TRPV1: variants seen among roughly 807,000 people sequenced by gnomAD.
The protein encoded by TRPV1 is transient receptor potential cation channel subfamily V member 1.
A neutral mutation model predicts 82.3 loss-of-function variants in TRPV1; 82 were observed. The ratio of observed to expected loss-of-function variants is 1.00; its 90% CI spans 0.83 to 1.20. The LOEUF (loss-of-function observed/expected upper bound fraction) is 1.20, where lower values mean the gene tolerates loss of function less well. Ranked by LOEUF, TRPV1 falls within the 50% of genes most tolerant of loss-of-function variation. The pLI, the probability that TRPV1 is intolerant of heterozygous loss-of-function variation, is 0.00. For synonymous variants in TRPV1, 515 were observed against 467.7 expected (o/e 1.10, Z -1.30); for missense variants, 1,067 against 1,096.8 (o/e 0.97, Z 0.38).
chr17:3,590,462 A>C, intron 5 of TRPV1, 70 bp from the exon 6 acceptor site: 1 of 1,584,290 alleles, frequency 6.3e-7, no homozygotes, highest in South Asian at 1.1e-5. Flanking sequence ...GTGCTGGGGA[A>C]GGGCTCTGGG....
intron 11 of TRPV1, among the ~76,000 whole-genome samples, chr17:3,579,803 C>CA (rs1457641783): frequency 6.6e-6 from 1 of 152,194 alleles, no homozygotes; most frequent in African/African-American, 2.4e-5. Flanking sequence ...ACTGTGCTTT[C>CA]ACTCATCTGC....
Position 3,572,252 on chromosome 17 carries a change from G to A in TRPV1, c.2104-3C>T, listed in dbSNP as rs778433623. 4.4e-6 allele frequency: 7 copies of A among 1,606,636 alleles called. No homozygotes were observed. Among genetic ancestry groups the A allele is most frequent in the Non-Finnish European group, 5.9e-6 (7 of 1,176,592 alleles). On this transcript the variant is annotated splice_region_variant and splice_polypyrimidine_tract_variant and intron_variant, in intron 14 of 16. Coordinates refer to ENST00000572705, the MANE Select transcript of TRPV1 (RefSeq NM_080704.4). Reference sequence around the variant, plus strand: ...GTGTCCAGGATGGTGATGGCTCTCTGCAGGAAGACACCAAGGGCAGAGGAG... The same window carrying A: ...GTGTCCAGGATGGTGATGGCTCTCTACAGGAAGACACCAAGGGCAGAGGAG...
intron 2 of TRPV1, among the ~76,000 whole-genome samples, chr17:3,603,514 C>T (rs1302952561): frequency 6.6e-6 from 1 of 152,196 alleles, no homozygotes; most frequent in Non-Finnish European, 1.5e-5. Context: ...TCTTCCTCCA[C>T]AAAATTACAG....
At chr17:3,577,271 G>A (rs749661523) in intron 12 of TRPV1, 79 bp from the exon 13 acceptor site, 16 of 1,463,456 alleles carry the variant, frequency 1.1e-5, no homozygotes, top group Non-Finnish European at 1.4e-5. Context: ...GCATCGGCCT[G>A]GGGATGCGTC....
At chr17:3,594,690 T>C (rs3744685) in intron 2 of TRPV1, among the ~76,000 whole-genome samples, 61,531 of 152,098 alleles carry the variant, frequency 0.4, 15,759 homozygotes, top group African/African-American at 0.74. Flanking sequence ...ACTCAATACC[T>C]ATCTACTGAG....
At chr17:3,598,563 CTTTT>C (rs57290148) in intron 2 of TRPV1, among the ~76,000 whole-genome samples, 10 of 116,806 alleles carry the variant, frequency 8.6e-5, no homozygotes, top group African/African-American at 3.6e-4. Context: ...CGCTTAGTCA[CTTTT>C]TTTTTTTTTT....
At chr17:3,585,468 C>T (rs945584460) in intron 9 of TRPV1, 7 of 316,364 alleles carry the variant, frequency 2.2e-5, no homozygotes, top group South Asian at 4.3e-5. Context: ...GCTTTCTAAC[C>T]GAGTACACCC....
chr17:3,596,889 T>C (rs201844449), intron 2 of TRPV1: 4 of 152,332 alleles, frequency 2.6e-5, no homozygotes, highest in Admixed American at 6.5e-5. Context: ...AATGTCTGCA[T>C]TGGCCATCAG....
rs1202091335 is a variant in TRPV1 at position 3,573,948 on chromosome 17, C to T, written c.1788G>A (p.Val596=). The T allele has an allele frequency of 6.2e-7, 1 of 1,603,110 alleles. No individual in the cohort carries two copies. The highest frequency in any genetic ancestry group is 8.5e-7 in the Non-Finnish European group (1 of 1,176,284). The stretch of plus-strand genomic sequence containing the variant: ...CATTCTTCCCGTCTTCAATCAGCGT[C>T]ACCACCGCTACAGGGCACAGGGAGG... ...VFLFGFSTAV[V]TLIEDGKNDS... is the part of the protein sequence containing the mutation. Residue 596 remains valine, a synonymous_variant, in exon 14 of 17, where the codon GTG becomes GTA. Transcript: ENST00000572705.
chr17:3,569,121 GT>G (rs1183766141), intron 16 of TRPV1, among the ~76,000 whole-genome samples: 3 of 151,306 alleles, frequency 2.0e-5, no homozygotes, highest in South Asian at 2.1e-4. Context: ...CTGTTGTGGG[GT>G]TGGGGGAGTG....
At position 3,565,515 on chromosome 17, in the gene TRPV1, G is replaced by C. The variant is rs1168874995; in HGVS notation, c.*1300C>G. 6.6e-6 allele frequency: 1 copy of C among 151,758 alleles called. No individual in the cohort carries two copies. Among genetic ancestry groups the C allele is most frequent in the Non-Finnish European group, 1.5e-5 (1 of 68,058 alleles). 9.4% of individuals were successfully genotyped at this position (151,758 alleles called of 1,614,324 possible). On this transcript the variant is annotated 3_prime_UTR_variant, in exon 17 of 17. Transcript: ENST00000572705. ...GAGTGGAAGCATGTGCCATTGCGGA[G>C]AAGCAGGACTGGGGTTCCTAGAAAT...
rs1004428423 is a variant in TRPV1 at position 3,566,848 on chromosome 17, G to A, written c.2487C>T (p.Val829=). 1 of 1,613,988 alleles carries A rather than the reference G, an allele frequency of 6.2e-7. No individual in the cohort carries two copies. The change falls in exon 17 of 17, where the codon GTC becomes GTT. Residue 829 remains valine (V), a synonymous_variant. Transcript: ENST00000572705. ...CCCCGGAAGCGGCAGGACTCTTGAA[G>A]ACCTCAGCGTCCTCTGGCTTCAGAG... ...SGSLKPEDAE[V]FKSPAASGEK
chr17:3,570,034 A>AG (rs1176036614), intron 16 of TRPV1, among the ~76,000 whole-genome samples: 9,947 of 122,856 alleles, frequency 0.081, 2,084 homozygotes, highest in Non-Finnish European at 0.11. Flanking sequence ...CCAAGCGGTC[A>AG]GGAAGGAGGG....
At chr17:3,580,673 C>T (rs1597525643) in intron 10 of TRPV1, 146 bp from the exon 11 acceptor site, 1 of 833,782 alleles carries the variant, frequency 1.2e-6, no homozygotes, top group East Asian at 2.6e-5. Flanking sequence ...CAGCAAGGGT[C>T]AGGCCAATGG....
intron 7 of TRPV1, 46 bp downstream of exon 7, chr17:3,589,760 GC>G (rs1567669732): frequency 5.8e-6 from 9 of 1,563,892 alleles, no homozygotes; most frequent in Admixed American, 1.8e-5. Flanking sequence ...CCTCTCCCAT[GC>G]CATCAGCCCC....
chr17:3,581,879 C>T (rs1352457522), intron 10 of TRPV1, among the ~76,000 whole-genome samples: 2 of 116,656 alleles, frequency 1.7e-5, no homozygotes, highest in South Asian at 3.2e-4. Flanking sequence ...AGCGAGACTC[C>T]ATCTCAGAAA....
chr17:3,592,218 T>C lies in TRPV1; in HGVS notation c.133A>G (p.Ser45Gly), dbSNP rs1031724640. 1.2e-6 allele frequency: 2 copies of C among 1,612,514 alleles called. No individual in the cohort carries two copies. The highest frequency in any genetic ancestry group is 2.2e-5 in the East Asian group (1 of 44,824). The change falls in exon 3 of 17, where the codon AGC becomes GGC. Residue 45 changes from serine to glycine, a missense_variant. Physicochemically the swap from Ser to Gly is moderately conservative, Grantham distance 56. Transcript: ENST00000572705. ...CCCTTCCCAAAGAGCCGGGTGCGGC[T>C]CTTGGCCGTGGAGAGCTGGGGCTTG... ...PAKPQLSTAKSRTRLFGKGDS... is the reference protein window; with the variant it reads ...PAKPQLSTAKGRTRLFGKGDS...
At chr17:3,589,227 G>A (rs140663297) in intron 7 of TRPV1, among the ~76,000 whole-genome samples, 6 of 122,120 alleles carry the variant, frequency 4.9e-5, no homozygotes, top group African/African-American at 9.1e-5. Context: ...TTTTTTTTGA[G>A]ACAGAGTCTT....
intron 2 of TRPV1, among the ~76,000 whole-genome samples, chr17:3,605,928 G>T (rs560428309): frequency 6.6e-6 from 1 of 151,798 alleles, no homozygotes; most frequent in Admixed American, 6.6e-5. Flanking sequence ...AATCTCAGTG[G>T]CTTCAAACAT....
Sources: gnomAD v4.1 joint callset for allele counts (sites outside exome capture counted in the v4.1 genomes callset) on GRCh38, gnomAD v4.1.1 for gene constraint, MANE v1.5 for transcripts, NCBI Gene and HGNC (gene_info 2026-07-23, HGNC 2026-07-21) for gene names.